WDR72: variants seen among roughly 807,000 people sequenced by gnomAD.
WDR72 encodes the protein WD repeat domain 72, also known as WD repeat-containing protein 72.
WDR72 carries 120 observed loss-of-function variants against 124.2 expected under a neutral mutation model. That is an observed-to-expected ratio of 0.97 (90% CI 0.83 to 1.12). The LOEUF (loss-of-function observed/expected upper bound fraction) is 1.12, where lower values mean the gene tolerates loss of function less well. Ranked by LOEUF, WDR72 falls within the 50% of genes most tolerant of loss-of-function variation. The pLI is 0.00. For missense variants in WDR72, 1,387 were observed against 1,278.8 expected (o/e 1.08, Z -1.29); for synonymous variants, 452 against 441.7 (o/e 1.02, Z -0.29).
chr15:53,646,147 G>T (rs978131104), intron 14 of WDR72, among the ~76,000 whole-genome samples: 2 of 152,000 alleles, frequency 1.3e-5, no homozygotes, highest in Admixed American at 6.6e-5. Flanking sequence ...TGACTGCAAA[G>T]AAATTAATTT....
chr15:53,552,475 C>G (rs1394870186), intron 18 of WDR72, among the ~76,000 whole-genome samples: 3 of 152,138 alleles, frequency 2.0e-5, no homozygotes, highest in Non-Finnish European at 2.9e-5. Context: ...ATTTGCACAG[C>G]TACCCAATCT....
At chr15:53,590,201 T>C (rs1329077762) in intron 18 of WDR72, among the ~76,000 whole-genome samples, 1 of 149,316 alleles carries the variant, frequency 6.7e-6, no homozygotes, top group Non-Finnish European at 1.5e-5. Flanking sequence ...TTTCTTCCAC[T>C]TTTTCCCCTG....
intron 14 of WDR72, among the ~76,000 whole-genome samples, chr15:53,620,265 A>C (rs532580263): frequency 1.3e-5 from 2 of 152,188 alleles, no homozygotes; most frequent in South Asian, 4.1e-4. Context: ...ATATATATGC[A>C]AAATACATTA....
At chr15:53,560,555 C>T (rs11633531) in intron 18 of WDR72, among the ~76,000 whole-genome samples, 72,493 of 151,536 alleles carry the variant, frequency 0.48, 18,518 homozygotes, top group Middle Eastern at 0.61. Flanking sequence ...GCCATGACCC[C>T]GATACACCAG....
At chr15:53,644,882 C>T (rs558227755) in intron 14 of WDR72, among the ~76,000 whole-genome samples, 4 of 152,136 alleles carry the variant, frequency 2.6e-5, no homozygotes, top group Middle Eastern at 3.4e-3. Context: ...GCTAATGGCA[C>T]GGGCAATCAT....
intron 13 of WDR72, among the ~76,000 whole-genome samples, chr15:53,668,904 CA>C (rs10640900): frequency 0.023 from 1,638 of 70,884 alleles, 32 homozygotes; most frequent in African/African-American, 0.094. Flanking sequence ...GACCTCGTCT[CA>C]AAAAAAAAAA....
intron 18 of WDR72, among the ~76,000 whole-genome samples, chr15:53,529,649 T>C (rs991352709): frequency 1.3e-5 from 2 of 151,922 alleles, no homozygotes; most frequent in Admixed American, 6.6e-5. Flanking sequence ...GCTGAACGAA[T>C]AGACAAGGTT....
At chr15:53,625,811 A>AT (rs1491249467) in intron 14 of WDR72, among the ~76,000 whole-genome samples, 8 of 151,862 alleles carry the variant, frequency 5.3e-5, no homozygotes, top group African/African-American at 1.9e-4. Context: ...AAAAAAAAAA[A>AT]TGTAATAGGT....
At chr15:53,595,680 T>C (rs1315128165) in intron 18 of WDR72, among the ~76,000 whole-genome samples, 5 of 152,144 alleles carry the variant, frequency 3.3e-5, no homozygotes, top group African/African-American at 1.2e-4. Flanking sequence ...AATGACACTA[T>C]GGGCAGCCCT....
In WDR72 at chr15:53,709,615, G is replaced by A. The variant is rs568564761; in HGVS notation, c.954+1242C>T. ...AGACCAGATCCTTTAAAAAATAACT[G>A]AATATGCTTTTCTGAGTAAGCCCCA... is the stretch of plus-strand genomic sequence containing the variant. On this transcript the variant is annotated intron_variant, in intron 9 of 19. Transcript: ENST00000360509. 6.6e-5 allele frequency among the ~76,000 whole-genome samples: 10 copies of A among 152,282 alleles called. No homozygotes were observed. The East Asian group carries it at 1.7e-3, about 26-fold the overall frequency.
At chr15:53,535,607 G>A (rs1242458447) in intron 18 of WDR72, among the ~76,000 whole-genome samples, 3 of 152,258 alleles carry the variant, frequency 2.0e-5, no homozygotes, top group South Asian at 2.1e-4. Context: ...GTTATTTCCA[G>A]GGCATTTCTC....
intron 19 of WDR72, among the ~76,000 whole-genome samples, chr15:53,518,089 T>G (rs1891564043): frequency 6.6e-6 from 1 of 152,062 alleles, no homozygotes; most frequent in Admixed American, 6.6e-5. Context: ...AAATTTAGTT[T>G]GAAATTAGTA....
intron 13 of WDR72, among the ~76,000 whole-genome samples, chr15:53,690,687 G>A (rs1346828274): frequency 1.3e-5 from 2 of 152,182 alleles, no homozygotes; most frequent in Non-Finnish European, 2.9e-5. Flanking sequence ...CAGGAGATTA[G>A]TCTATGGAGA....
At chr15:53,607,657 G>T (rs1178138215) in intron 17 of WDR72, among the ~76,000 whole-genome samples, 1 of 151,876 alleles carries the variant, frequency 6.6e-6, no homozygotes, top group African/African-American at 2.4e-5. Flanking sequence ...ATGGACAAAT[G>T]GAATCACATC....
At chr15:53,560,342 A>T (rs186136943) in intron 18 of WDR72, among the ~76,000 whole-genome samples, 126 of 152,040 alleles carry the variant, frequency 8.3e-4, no homozygotes, top group African/African-American at 2.9e-3. Flanking sequence ...AAAAACAACA[A>T]CAAAACAAAA....
chr15:53,597,663 T>C (rs139574455), intron 17 of WDR72, among the ~76,000 whole-genome samples: 1 of 152,294 alleles, frequency 6.6e-6, no homozygotes, highest in East Asian at 1.9e-4. Flanking sequence ...TCAAACCATG[T>C]CTAGCTCCAA....
intron 18 of WDR72, among the ~76,000 whole-genome samples, chr15:53,583,269 T>G (rs1480446274): frequency 1.3e-5 from 2 of 152,014 alleles, no homozygotes; most frequent in African/African-American, 4.8e-5. Flanking sequence ...TATGCTAAAA[T>G]TTTTTCAAAA....
intron 13 of WDR72, among the ~76,000 whole-genome samples, chr15:53,669,358 A>G (rs2015910688): frequency 6.6e-6 from 1 of 152,118 alleles, no homozygotes; most frequent in Admixed American, 6.5e-5. Flanking sequence ...CCTCTCTAGC[A>G]AGGTCAGGAA....
In WDR72 at chr15:53,733,061, C is replaced by A. The variant is rs372307937; in HGVS notation, c.89G>T (p.Arg30Leu). Reference sequence around the variant, plus strand: ...CTCTTGACTTCCAGTCACAATCGTTCGCTGGTCATCAGTGATCATGATGGC... The same window carrying A: ...CTCTTGACTTCCAGTCACAATCGTTAGCTGGTCATCAGTGATCATGATGGC... The part of the protein sequence containing the change: ...ITAIMITDDQ[R>L]TIVTGSQEGQ... Residue 30 changes from arginine to leucine, a missense_variant, in exon 2 of 20, where the codon CGA becomes CTA. Coordinates refer to ENST00000360509, the MANE Select transcript of WDR72 (RefSeq NM_182758.4). 15 of 1,613,898 alleles carry A rather than the reference C, an allele frequency of 9.3e-6. No individual in the cohort carries two copies. In the South Asian group the frequency reaches 1.6e-4, roughly 18 times the overall value.
Sources: allele counts gnomAD v4.1 joint callset (sites outside exome capture counted in the v4.1 genomes callset), GRCh38; gene constraint gnomAD v4.1.1; transcripts MANE v1.5; gene names NCBI Gene and HGNC (gene_info 2026-07-23, HGNC 2026-07-21).